Variants in ASIC2 observed in about 807,000 individuals in gnomAD.
ASIC2 encodes acid-sensing ion channel 2.
ASIC2 carries 25 observed loss-of-function variants against 57.3 expected under a neutral mutation model. That is an observed-to-expected ratio of 0.44 (90% CI 0.32 to 0.61). The LOEUF (loss-of-function observed/expected upper bound fraction) is 0.61, where lower values mean the gene tolerates loss of function less well. Among genes scored for constraint, ASIC2 ranks in the 20% least tolerant of loss-of-function variants. The probability of loss-of-function intolerance (pLI) is 0.06; values close to 1 mark genes in which losing one functional copy is unlikely to be tolerated. For missense variants in ASIC2, 641 were observed against 738.1 expected (o/e 0.87, Z 1.52); for synonymous variants, 319 against 307.5 (o/e 1.04, Z -0.39).
In ASIC2 at chr17:33,503,503, T is replaced by A. The variant is rs543262099; in HGVS notation, c.556-391436A>T. Among the ~76,000 whole-genome samples, 5 of 152,200 alleles carry A rather than the reference T, an allele frequency of 3.3e-5. No homozygotes were observed. The South Asian group carries it at 1.0e-3, about 32-fold the overall frequency. On this transcript the variant is annotated intron_variant, in intron 1 of 9. Coordinates refer to the ASIC2 transcript ENST00000359872. ...AAATTAACCAGGATATTGGCTCACC[T>A]CACTCCAGTAACAAAGGCAACCCTG...
At chr17:33,579,790 A>G (rs962020152) in intron 1 of ASIC2, among the ~76,000 whole-genome samples, 3 of 152,162 alleles carry the variant, frequency 2.0e-5, no homozygotes, top group Admixed American at 6.5e-5. Flanking sequence ...ACAAACTACC[A>G]CACCGTGAAA....
In ASIC2 at chr17:33,170,307, T is replaced by G. The variant is rs141478470; in HGVS notation, c.709-58240A>C. Among the ~76,000 whole-genome samples, 26 of 152,276 alleles carry G rather than the reference T, an allele frequency of 1.7e-4. No homozygotes were observed. In the South Asian group the frequency reaches 4.8e-3, roughly 28 times the overall value. ...AGTTTAGATATAAGAAAATCATCAG[T>G]GATTACTTATATTACAAAAAGATTC... On this transcript the variant is annotated intron_variant, in intron 1 of 9. Coordinates refer to ENST00000225823, the MANE Select transcript of ASIC2 (RefSeq NM_183377.2).
chr17:33,753,549 G>A (rs890714869), intron 1 of ASIC2, among the ~76,000 whole-genome samples: 7 of 152,208 alleles, frequency 4.6e-5, no homozygotes, highest in African/African-American at 1.2e-4. Flanking sequence ...TCGTGAATGG[G>A]GCAACCCCTA....
chr17:33,422,628 G>A (rs1004701708), intron 1 of ASIC2, among the ~76,000 whole-genome samples: 2 of 152,052 alleles, frequency 1.3e-5, no homozygotes, highest in African/African-American at 2.4e-5. Context: ...ACACAAATTC[G>A]GCCCTCTGCT....
chr17:33,579,480 G>C (rs1450691027), intron 1 of ASIC2, among the ~76,000 whole-genome samples: 3 of 152,064 alleles, frequency 2.0e-5, no homozygotes, highest in Non-Finnish European at 4.4e-5. Flanking sequence ...CATTCATTGA[G>C]AATCACGTGC....
At chr17:33,064,452 T>G (rs8071961) in intron 3 of ASIC2, among the ~76,000 whole-genome samples, 60,924 of 152,114 alleles carry the variant, frequency 0.4, 13,260 homozygotes, top group East Asian at 0.65. Flanking sequence ...CTGGGTAATC[T>G]TCAATACCTG....
At chr17:33,573,365 G>C (rs560040771) in intron 1 of ASIC2, among the ~76,000 whole-genome samples, 5 of 152,198 alleles carry the variant, frequency 3.3e-5, no homozygotes, top group Admixed American at 6.5e-5. Context: ...CCCATCTCAG[G>C]AAATGAAACA....
At chr17:33,663,393 A>G (rs898060793) in intron 1 of ASIC2, among the ~76,000 whole-genome samples, 4 of 151,710 alleles carry the variant, frequency 2.6e-5, no homozygotes, top group Non-Finnish European at 5.9e-5. Flanking sequence ...TAAAATGTTT[A>G]CCTAGAGTGA....
intron 1 of ASIC2, among the ~76,000 whole-genome samples, chr17:34,042,170 T>G (rs1197641838): frequency 6.6e-6 from 1 of 152,216 alleles, no homozygotes; most frequent in African/African-American, 2.4e-5. Context: ...TTTAGCAGTT[T>G]CTTAAAAATG....
intron 1 of ASIC2, among the ~76,000 whole-genome samples, chr17:33,249,948 A>G (rs1043815072): frequency 3.9e-5 from 6 of 152,128 alleles, no homozygotes. Context: ...AGTGGGGCCA[A>G]TCCCAAAGGT....
chr17:33,865,067 G>A (rs1914195315), intron 1 of ASIC2, among the ~76,000 whole-genome samples: 1 of 152,186 alleles, frequency 6.6e-6, no homozygotes, highest in South Asian at 2.1e-4. Flanking sequence ...TGTATCCAGG[G>A]TGGAGGAGCC....
chr17:33,312,202 T>C (rs372973006), intron 1 of ASIC2, among the ~76,000 whole-genome samples: 16 of 152,320 alleles, frequency 1.1e-4, no homozygotes, highest in South Asian at 1.0e-3. Flanking sequence ...GCAATATAGG[T>C]AACCTGTTAA....
At chr17:33,975,073 T>C (rs1443977510) in intron 1 of ASIC2, among the ~76,000 whole-genome samples, 3 of 152,244 alleles carry the variant, frequency 2.0e-5, no homozygotes, top group African/African-American at 7.2e-5. Flanking sequence ...GTGCTCAGGA[T>C]AGTGTCTGAC....
At chr17:33,840,603 A>G (rs941567865) in intron 1 of ASIC2, among the ~76,000 whole-genome samples, 1 of 152,172 alleles carries the variant, frequency 6.6e-6, no homozygotes, top group Non-Finnish European at 1.5e-5. Flanking sequence ...AGGTTTTAGA[A>G]GGGGCTACCA....
intron 1 of ASIC2, among the ~76,000 whole-genome samples, chr17:33,269,674 C>CCTT: frequency 3.0e-5 from 2 of 66,186 alleles, no homozygotes; most frequent in African/African-American, 5.1e-5. Context: ...TTCCTTCCTT[C>CCTT]CCTCCCTCCC....
At chr17:33,720,472 C>T (rs9902045) in intron 1 of ASIC2, among the ~76,000 whole-genome samples, 2,447 of 152,170 alleles carry the variant, frequency 0.016, 73 homozygotes, top group African/African-American at 0.056. Context: ...TGCAAGGCAA[C>T]GTTTTAAGTG....
chr17:33,736,626 A>G (rs1909919733), intron 1 of ASIC2, among the ~76,000 whole-genome samples: 1 of 152,194 alleles, frequency 6.6e-6, no homozygotes, highest in Admixed American at 6.5e-5. Flanking sequence ...TACAAAAGCA[A>G]TATAAGCTTA....
intron 1 of ASIC2, among the ~76,000 whole-genome samples, chr17:33,525,684 CAGA>C (rs1914867017): frequency 6.6e-6 from 1 of 152,204 alleles, no homozygotes; most frequent in African/African-American, 2.4e-5. Context: ...CCCACAATAG[CAGA>C]AGGTCAAGTG....
At chr17:33,855,071 A>C in intron 1 of ASIC2, among the ~76,000 whole-genome samples, 1 of 152,124 alleles carries the variant, frequency 6.6e-6, no homozygotes, top group Middle Eastern at 3.2e-3. Flanking sequence ...CCGGCAGCAG[A>C]AAGTGTGGCC....
Sources: gnomAD v4.1 joint callset for allele counts (sites outside exome capture counted in the v4.1 genomes callset) on GRCh38, gnomAD v4.1.1 for gene constraint, MANE v1.5 for transcripts, NCBI Gene and HGNC (gene_info 2026-07-23, HGNC 2026-07-21) for gene names.